Variants in ACVR2A observed in about 807,000 individuals in gnomAD.
The protein encoded by ACVR2A is activin receptor type-2A.
A neutral mutation model predicts 61.4 loss-of-function variants in ACVR2A; 7 were observed. The ratio of observed to expected loss-of-function variants is 0.11; its 90% CI spans 0.06 to 0.21. The LOEUF (loss-of-function observed/expected upper bound fraction) is 0.21. Among genes scored for constraint, ACVR2A ranks in the 10% least tolerant of loss-of-function variants. The pLI, the probability that ACVR2A is intolerant of heterozygous loss-of-function variation, is 1.00. For missense variants in ACVR2A, 322 were observed against 621.7 expected, an observed-to-expected ratio of 0.52 and a Z score of 5.13; for synonymous variants, 193 against 208.3, an observed-to-expected ratio of 0.93 and a Z score of 0.63.
chr2:147,844,544 G>C (rs1685246902), upstream of ACVR2A: 1 of 148,810 alleles, frequency 6.7e-6, no homozygotes. Flanking sequence ...GCCGAGCCCG[G>C]AGCCCGGAGC....
chr2:147,923,155 A>C, intron 9 of ACVR2A, 44 bp downstream of exon 9: 1 of 1,566,282 alleles, frequency 6.4e-7, no homozygotes, highest in Non-Finnish European at 8.6e-7. Context: ...TATGCCTACC[A>C]CACATATATG....
chr2:147,865,013 C>CT (rs879718931), intron 1 of ACVR2A, among the ~76,000 whole-genome samples: 103 of 145,684 alleles, frequency 7.1e-4, no homozygotes, highest in African/African-American at 1.3e-3. Flanking sequence ...CACCAAGTGA[C>CT]TTTTTTTTTT....
chr2:147,929,805 T>C lies in ACVR2A; in HGVS notation c.*2531T>C, dbSNP rs917276751. The C allele has an allele frequency of 3.3e-5, 5 of 152,334 alleles. No homozygotes were observed. Among genetic ancestry groups the C allele is most frequent in the African/African-American group, 9.7e-5 (4 of 41,380 alleles). The allele number at this position is 152,334 out of a possible 1,614,324, so 9.4% of individuals were successfully genotyped here. A position where few individuals can be genotyped will look rare whatever the true frequency, so the allele number is the denominator to read the frequency against. ...AAACTGAGACCCCCCAAATAACTCT[T>C]TCCTCATGTGTATGGTGCTCCTCAT... On this transcript the variant is annotated 3_prime_UTR_variant, in exon 11 of 11. Transcript: ENST00000241416.
At chr2:147,901,737 A>G (rs1223263262) in intron 4 of ACVR2A, among the ~76,000 whole-genome samples, 2 of 152,048 alleles carry the variant, frequency 1.3e-5, no homozygotes, top group African/African-American at 4.8e-5. Context: ...TGGTATGAAA[A>G]ATACAAGACA....
chr2:147,894,175 C>T (rs1337990766), intron 1 of ACVR2A, among the ~76,000 whole-genome samples: 1 of 151,998 alleles, frequency 6.6e-6, no homozygotes, highest in Admixed American at 6.6e-5. Context: ...ATCAGTTGAC[C>T]ATTTATATGT....
intron 1 of ACVR2A, among the ~76,000 whole-genome samples, chr2:147,847,637 T>G (rs1001858945): frequency 6.6e-6 from 1 of 152,208 alleles, no homozygotes; most frequent in Non-Finnish European, 1.5e-5. Flanking sequence ...GGAGACTGAT[T>G]ATGCAGACTA....
chr2:147,903,202 G>C (rs556354510), intron 4 of ACVR2A, among the ~76,000 whole-genome samples: 1 of 150,978 alleles, frequency 6.6e-6, no homozygotes, highest in African/African-American at 2.4e-5. Flanking sequence ...ACAAATTCTA[G>C]AATAAATTTA....
rs142386979 is a variant in ACVR2A, at chr2:147,909,530, C to T, written c.529-5661C>T. On this transcript the variant is annotated intron_variant, in intron 4 of 10. Transcript: ENST00000241416. The stretch of plus-strand genomic sequence containing the variant: ...ATTAATGTGCAGATTCGATTTTCAC[C>T]GTTACCTACAGTTATAGTATATAAT... Among the ~76,000 whole-genome samples the T allele has an allele frequency of 1.6e-4, 24 of 152,252 alleles. No individual in the cohort carries two copies. In the East Asian group the frequency reaches 3.1e-3, roughly 20 times the overall value.
At chr2:147,860,145 G>C in intron 1 of ACVR2A, among the ~76,000 whole-genome samples, 1 of 152,080 alleles carries the variant, frequency 6.6e-6, no homozygotes. Context: ...TTTCTTCTTT[G>C]TCCTCTGTAG....
Position 147,859,956 on chromosome 2 carries a change from A to T in ACVR2A, c.55+14749A>T, listed in dbSNP as rs145507223. Among the ~76,000 whole-genome samples, 30 of 152,248 alleles carry T rather than the reference A, an allele frequency of 2.0e-4. No homozygotes were observed. In the East Asian group the frequency reaches 5.8e-3, roughly 29 times the overall value. ...CCTGTAGGAAAAGGAGCTATGTACG[A>T]CTTCCTTTGTGTTTTAGAGGACAAA... On this transcript the variant is annotated intron_variant, in intron 1 of 10. Transcript: ENST00000241416.
intron 1 of ACVR2A, among the ~76,000 whole-genome samples, chr2:147,884,160 T>G (rs562249009): frequency 5.3e-5 from 8 of 152,248 alleles, no homozygotes; most frequent in South Asian, 2.1e-4. Context: ...CCCGATTTTG[T>G]TTTTTTGTGC....
Position 147,928,098 on chromosome 2 carries a change from C to T in ACVR2A, c.*824C>T, listed in dbSNP as rs1206660021. 1 of 152,174 alleles carries T rather than the reference C, an allele frequency of 6.6e-6. No homozygotes were observed. Among genetic ancestry groups the T allele is most frequent in the Non-Finnish European group, 1.5e-5 (1 of 67,878 alleles). The allele number at this position is 152,174 out of a possible 1,614,324, so 9.4% of individuals were successfully genotyped here. A position where few individuals can be genotyped will look rare whatever the true frequency, so the allele number is the denominator to read the frequency against. ...TTTTGAAAAGATGGTGTCATTTCCC[C>T]CTTCTTCCCATGTTTTAAAGCCCCA... is the stretch of plus-strand genomic sequence containing the variant. On this transcript the variant is annotated 3_prime_UTR_variant, in exon 11 of 11. Transcript: ENST00000241416.
At chr2:147,890,022 C>T (rs768860988) in intron 1 of ACVR2A, among the ~76,000 whole-genome samples, 1 of 151,662 alleles carries the variant, frequency 6.6e-6, no homozygotes, top group Non-Finnish European at 1.5e-5. Context: ...TTTACAGATG[C>T]GGAAACAAGG....
intron 1 of ACVR2A, among the ~76,000 whole-genome samples, chr2:147,881,471 C>T (rs890635690): frequency 3.3e-5 from 5 of 151,854 alleles, no homozygotes; most frequent in Non-Finnish European, 5.9e-5. Context: ...GTGTCTGTAT[C>T]TGTGACTTGA....
intron 1 of ACVR2A, among the ~76,000 whole-genome samples, chr2:147,886,332 TC>T (rs1686430946): frequency 6.6e-6 from 1 of 152,168 alleles, no homozygotes; most frequent in Non-Finnish European, 1.5e-5. Context: ...CATTAACTCT[TC>T]CCAGAGGACT....
intron 4 of ACVR2A, among the ~76,000 whole-genome samples, chr2:147,911,185 TTAGACTC>T (rs888052123): frequency 8.5e-5 from 13 of 152,116 alleles, no homozygotes; most frequent in African/African-American, 2.7e-4. Flanking sequence ...GTTTTATAAT[TTAGACTC>T]TAGAGGCTCT....
At chr2:147,877,866 T>A (rs1480724367) in intron 1 of ACVR2A, among the ~76,000 whole-genome samples, 1 of 152,230 alleles carries the variant, frequency 6.6e-6, no homozygotes, top group Non-Finnish European at 1.5e-5. Context: ...GTCCATGTTC[T>A]GTTGCTGTGT....
intron 1 of ACVR2A, among the ~76,000 whole-genome samples, chr2:147,867,442 A>G (rs1685890527): frequency 6.6e-6 from 1 of 152,096 alleles, no homozygotes; most frequent in Non-Finnish European, 1.5e-5. Flanking sequence ...TTCAAAATCC[A>G]AGCAATTACT....
At chr2:147,894,819 C>T (rs1479439331) in intron 1 of ACVR2A, among the ~76,000 whole-genome samples, 1 of 151,972 alleles carries the variant, frequency 6.6e-6, no homozygotes, top group Non-Finnish European at 1.5e-5. Flanking sequence ...TGTCAGATAC[C>T]CAAGTCTAAA....
Sources: gnomAD v4.1 joint callset for allele counts (sites outside exome capture counted in the v4.1 genomes callset) on GRCh38, gnomAD v4.1.1 for gene constraint, MANE v1.5 for transcripts, NCBI Gene and HGNC (gene_info 2026-07-23, HGNC 2026-07-21) for gene names.